FYCO1: variants seen among roughly 807,000 people sequenced by gnomAD.
FYCO1 encodes FYVE and coiled-coil domain autophagy adaptor 1.
Under a neutral mutation model 165.1 loss-of-function variants are expected in FYCO1, and 122 were observed. The observed-to-expected ratio is 0.74, with a 90% CI of 0.64 to 0.86. The LOEUF is 0.86. Ranked by LOEUF, FYCO1 falls within the 40% of genes least tolerant of loss-of-function variation. The pLI is 0.00. For synonymous variants in FYCO1, 648 were observed against 742.5 expected, an observed-to-expected ratio of 0.87 and a Z score of 2.07; for missense variants, 1,702 against 1,810.3, an observed-to-expected ratio of 0.94 and a Z score of 1.09.
chr3:45,938,401 C>A, intron 14 of FYCO1: 2 of 382,084 alleles, frequency 5.2e-6, no homozygotes, highest in Admixed American at 3.3e-5. Flanking sequence ...GAGGTTATGA[C>A]CAACATTAAA....
At chr3:45,941,851 T>C (rs1390723499) in intron 14 of FYCO1, among the ~76,000 whole-genome samples, 1 of 152,224 alleles carries the variant, frequency 6.6e-6, no homozygotes, top group Non-Finnish European at 1.5e-5. Context: ...TGGTTGTCCC[T>C]GGGTAAAACT....
chr3:45,973,392 T>A (rs1575377682), intron 5 of FYCO1, among the ~76,000 whole-genome samples, 161 bp from the exon 6 acceptor site: 1 of 152,198 alleles, frequency 6.6e-6, no homozygotes, highest in African/African-American at 2.4e-5. Flanking sequence ...AGAACATAAC[T>A]CTCAAATAAG....
chr3:45,979,432 T>C (rs1011948666), intron 4 of FYCO1, among the ~76,000 whole-genome samples: 1 of 152,236 alleles, frequency 6.6e-6, no homozygotes, highest in Admixed American at 6.5e-5. Flanking sequence ...CTACAATGTA[T>C]GTGAATAGGC....
chr3:45,931,182 A>G lies in FYCO1; in HGVS notation c.4140T>C (p.Thr1380=). Residue 1380 remains threonine, a synonymous_variant, in exon 16 of 18, where the codon ACT becomes ACC. Transcript: ENST00000296137. ...RSSTYSLIPI[T]VAEAGLTISW... is the part of the protein sequence containing the mutation. The stretch of plus-strand genomic sequence containing the variant: ...TGATGGTGAGGCCTGCCTCGGCCAC[A>G]GTGATGGGGATCAGGCTGTAGGTGC... The G allele has an allele frequency of 1.9e-6, 3 of 1,614,112 alleles. No homozygotes were observed. Among genetic ancestry groups the G allele is most frequent in the East Asian group, 2.2e-5 (1 of 44,884 alleles).
In FYCO1 at chr3:45,958,583, G is replaced by A; in HGVS notation, c.3624C>T (p.Asn1208=). 2 of 1,614,232 alleles carry A rather than the reference G, an allele frequency of 1.2e-6. No homozygotes were observed. Among genetic ancestry groups the A allele is most frequent in the Middle Eastern group, 1.6e-4 (1 of 6,062 alleles). ...CACCGTGCTTGCTCAGGACGTAGTT[G>A]TTGCAGCAGTAGTAACAGAAGATGC... is the stretch of plus-strand genomic sequence containing the variant. The part of the protein sequence containing the change: ...CGRIFCYYCC[N]NYVLSKHGGK... Residue 1208 remains asparagine, a synonymous_variant, in exon 13 of 18, where the codon AAC becomes AAT. Transcript: ENST00000296137.
chr3:45,950,434 C>T (rs565575538), intron 14 of FYCO1, among the ~76,000 whole-genome samples: 8 of 152,214 alleles, frequency 5.3e-5, no homozygotes, highest in African/African-American at 1.7e-4. Context: ...CCCAGGTGTC[C>T]TCCGTAGGTG....
chr3:45,946,608 G>T lies in FYCO1; in HGVS notation c.3944+8641C>A, dbSNP rs753227593. ...GCCCTGCATGTACCTGGTGGTGTTT[G>T]TCTGTGGTCTGGTGGGGAACTCTCT... On this transcript the variant is annotated intron_variant, in intron 14 of 17. Transcript: ENST00000296137. 1.2e-5 allele frequency: 19 copies of T among 1,614,090 alleles called. No individual in the cohort carries two copies. In the East Asian group the frequency reaches 3.8e-4, roughly 32 times the overall value.
chr3:45,973,288 G>A, intron 5 of FYCO1, 57 bp from the exon 6 acceptor site: 1 of 1,556,970 alleles, frequency 6.4e-7, no homozygotes, highest in East Asian at 2.2e-5. Flanking sequence ...AATTTACTCA[G>A]TCCTCCCACT....
intron 14 of FYCO1, chr3:45,947,885 G>A (rs1704737729): frequency 4.2e-6 from 1 of 236,190 alleles, no homozygotes; most frequent in Admixed American, 5.2e-5. Flanking sequence ...CACACTGGGT[G>A]CCCAAGCTCA....
chr3:45,985,806 A>G (rs1305953967), intron 1 of FYCO1, among the ~76,000 whole-genome samples: 1 of 152,268 alleles, frequency 6.6e-6, no homozygotes, highest in African/African-American at 2.4e-5. Flanking sequence ...GCTGAAGGCC[A>G]ACAGAAGTTA....
At chr3:45,960,386 A>G (rs1705628607) in intron 11 of FYCO1, among the ~76,000 whole-genome samples, 1 of 152,170 alleles carries the variant, frequency 6.6e-6, no homozygotes, top group African/African-American at 2.4e-5. Context: ...TCAACCCCAG[A>G]TCTTTTGCCT....
intron 14 of FYCO1, among the ~76,000 whole-genome samples, chr3:45,948,620 A>G (rs766505035): frequency 2.6e-5 from 4 of 152,224 alleles, no homozygotes; most frequent in Non-Finnish European, 5.9e-5. Flanking sequence ...ATGCATGTTT[A>G]TTAAATCCTG....
chr3:45,975,794 G>A (rs1200224002), intron 4 of FYCO1, among the ~76,000 whole-genome samples: 1 of 152,156 alleles, frequency 6.6e-6, no homozygotes, highest in Non-Finnish European at 1.5e-5. Context: ...GGAAGAGATG[G>A]GCTCAGCTCA....
intron 13 of FYCO1, among the ~76,000 whole-genome samples, chr3:45,957,197 CCATA>C (rs1168104874): frequency 5.3e-5 from 8 of 152,154 alleles, no homozygotes; most frequent in Admixed American, 5.2e-4. Flanking sequence ...AACTGGACAG[CCATA>C]CAAAAAGATG....
rs542520747 is a variant in FYCO1 at position 45,993,733 on chromosome 3, C to T, written c.-113+1989G>A. Among the ~76,000 whole-genome samples the T allele has an allele frequency of 5.3e-5, 8 of 152,258 alleles. No individual in the cohort carries two copies. Among genetic ancestry groups the T allele is most frequent in the South Asian group, 2.1e-4 (1 of 4,828 alleles). On this transcript the variant is annotated intron_variant, in intron 1 of 17. Coordinates refer to ENST00000296137, the MANE Select transcript of FYCO1 (RefSeq NM_024513.4). This position sits in a 1 kb window ranked among gnomAD's most constrained non-coding sequence, Gnocchi z 4.4. The stretch of plus-strand genomic sequence containing the variant: ...GCTGCCTAGGGCTGCTTGCAGTGAA[C>T]GTGGTTCCTAAATCTAGGTGCCTAC...
intron 1 of FYCO1, among the ~76,000 whole-genome samples, chr3:45,988,037 C>T (rs922850274): frequency 4.6e-5 from 7 of 152,148 alleles, no homozygotes; most frequent in Non-Finnish European, 7.3e-5. Flanking sequence ...GTTCCCAGGT[C>T]GTGGGGTGAG....
Position 45,967,308 on chromosome 3 carries a change from G to C in FYCO1, c.2026C>G (p.Gln676Glu), listed in dbSNP as rs1166189446. The change falls in exon 8 of 18, where the codon CAG (glutamine) becomes GAG (glutamate). Residue 676 changes from glutamine to glutamate, a missense_variant. Gln to Glu is a conservative substitution (Grantham distance 29). Transcript: ENST00000296137. ...ACAGCCAGCAAGCTCGCCTCCATCT[G>C]GTCACCCAAGTGCCGGATGCTGGCC... The part of the protein sequence containing the change: ...EQASIRHLGD[Q>E]MEASLLAVRK... The C allele has an allele frequency of 2.5e-6, 4 of 1,613,612 alleles. No homozygotes were observed. The highest frequency in any genetic ancestry group is 3.4e-6 in the Non-Finnish European group (4 of 1,179,876).
At chr3:45,973,857 A>G (rs1049954171) in intron 5 of FYCO1, among the ~76,000 whole-genome samples, 1 of 152,192 alleles carries the variant, frequency 6.6e-6, no homozygotes, top group African/African-American at 2.4e-5. Context: ...CAGGAGTTTG[A>G]GGCCAGGGTG....
chr3:45,971,508 G>T (rs944044287), intron 6 of FYCO1, among the ~76,000 whole-genome samples: 19 of 152,178 alleles, frequency 1.2e-4, no homozygotes, highest in Admixed American at 1.2e-3. Flanking sequence ...AATGACCAGG[G>T]TTAACCTCAT....
Sources: gnomAD v4.1 joint callset for allele counts (sites outside exome capture counted in the v4.1 genomes callset) on GRCh38, gnomAD v4.1.1 for gene constraint, Gnocchi (gnomAD v3.1) non-coding constraint, MANE v1.5 for transcripts, NCBI Gene and HGNC (gene_info 2026-07-23, HGNC 2026-07-21) for gene names.